IL12RB2: variants seen among roughly 807,000 people sequenced by gnomAD.
IL12RB2 encodes the protein interleukin-12 receptor subunit beta-2.
Under a neutral mutation model 89.4 loss-of-function variants are expected in IL12RB2, and 82 were observed. That is an observed-to-expected ratio of 0.92 (90% CI 0.77 to 1.10). IL12RB2 has a LOEUF of 1.10. IL12RB2 is among the 50% of genes least tolerant of loss of function. IL12RB2 has a pLI of 0.00. For synonymous variants in IL12RB2, 368 were observed against 370.1 expected (o/e 0.99, Z 0.07); for missense variants, 963 against 1,031.9 (o/e 0.93, Z 0.92).
In IL12RB2 at chr1:67,359,637, A is replaced by G. The variant is rs144313176; in HGVS notation, c.1259-8188A>G. Among the ~76,000 whole-genome samples the G allele has an allele frequency of 5.5e-3, 839 of 152,040 alleles. 11 individuals are homozygous for G. The highest frequency in any genetic ancestry group is 0.02 in the African/African-American group (810 of 41,470). On this transcript the variant is annotated intron_variant, in intron 10 of 16. Coordinates refer to ENST00000674203, the MANE Select transcript of IL12RB2 (RefSeq NM_001374259.2). ...CTCCAGAGGCTGGGACAGGAGAATCACTTGAACCTGGGAGGTGGCAGTTGC... is the reference window on the plus strand; with the variant it reads ...CTCCAGAGGCTGGGACAGGAGAATCGCTTGAACCTGGGAGGTGGCAGTTGC...
Position 67,396,286 on chromosome 1 carries a change from T to C in IL12RB2, c.*197T>C. The C allele has an allele frequency of 1.5e-6, 1 of 661,198 alleles. No homozygotes were observed. The highest frequency in any genetic ancestry group is 2.7e-6 in the Non-Finnish European group (1 of 365,650). 41.0% of individuals were successfully genotyped at this position (661,198 alleles called of 1,614,324 possible). A position where few individuals can be genotyped will look rare whatever the true frequency, so the allele number is the denominator to read the frequency against. On this transcript the variant is annotated 3_prime_UTR_variant, in exon 17 of 17. Coordinates refer to ENST00000674203, the MANE Select transcript of IL12RB2 (RefSeq NM_001374259.2). ...CTTCACTCAGATGCCTCATCTTGCC[T>C]TTCCCAGGGCCTTAAAATTACATCC...
intron 8 of IL12RB2, among the ~76,000 whole-genome samples, chr1:67,334,978 C>A (rs1328079153): frequency 3.3e-5 from 5 of 152,130 alleles, no homozygotes; most frequent in Non-Finnish European, 7.3e-5. Flanking sequence ...AGATTTATAT[C>A]AGACACTTTC....
At chr1:67,390,252 G>A (rs1240513768) in intron 16 of IL12RB2, 124 bp downstream of exon 16, 11 of 686,030 alleles carry the variant, frequency 1.6e-5, no homozygotes, top group Non-Finnish European at 2.1e-5. Flanking sequence ...AGTTATTCAC[G>A]CTTGGCTACC....
upstream of IL12RB2, chr1:67,307,648 G>A (rs17129728): frequency 0.013 from 1,990 of 152,444 alleles, 32 homozygotes; most frequent in Admixed American, 0.048. Flanking sequence ...AGCCCGCTTC[G>A]ACCCGCGGGG....
At position 67,367,826 on chromosome 1, in the gene IL12RB2, G is replaced by C; in HGVS notation, c.1260G>C (p.Gly420=). ...TTCTCCTCTTTCTGTCCGATAAAGG[G>C]TTGCTGGCTCCTCGCCAGGTCTCTG... ...RINIMNLCEA[G]LLAPRQVSAN... is the part of the protein sequence containing the mutation. Residue 420 remains glycine (G), a splice_region_variant and synonymous_variant, in exon 11 of 17, where the codon GGG becomes GGC. Coordinates refer to ENST00000674203, the MANE Select transcript of IL12RB2 (RefSeq NM_001374259.2). 6.5e-7 allele frequency: 1 copy of C among 1,540,000 alleles called. No homozygotes were observed. Among genetic ancestry groups the C allele is most frequent in the South Asian group, 1.1e-5 (1 of 89,558 alleles).
chr1:67,332,723 C>T (rs997831835), intron 8 of IL12RB2, among the ~76,000 whole-genome samples: 5 of 152,030 alleles, frequency 3.3e-5, no homozygotes, highest in African/African-American at 1.2e-4. Context: ...GATAAAACTT[C>T]TGAAAATGGG....
intron 7 of IL12RB2, among the ~76,000 whole-genome samples, chr1:67,330,366 T>C (rs1033452962): frequency 6.6e-6 from 1 of 152,104 alleles, no homozygotes; most frequent in South Asian, 2.1e-4. Flanking sequence ...TGTAGAAACT[T>C]TGTAGTTTTC....
At chr1:67,365,858 A>ATT (rs1662610432) in intron 10 of IL12RB2, among the ~76,000 whole-genome samples, 1 of 152,214 alleles carries the variant, frequency 6.6e-6, no homozygotes, top group African/African-American at 2.4e-5. Flanking sequence ...GGTCATCTTA[A>ATT]GGGGCCATAG....
intron 9 of IL12RB2, among the ~76,000 whole-genome samples, chr1:67,349,798 T>G (rs1250904769): frequency 6.6e-6 from 1 of 152,212 alleles, no homozygotes. Context: ...AGTCAGCAGA[T>G]AGGAACATTC....
chr1:67,343,384 T>G (rs1659872417), intron 9 of IL12RB2, among the ~76,000 whole-genome samples: 1 of 152,238 alleles, frequency 6.6e-6, no homozygotes, highest in Non-Finnish European at 1.5e-5. Flanking sequence ...ACCTGGCCCA[T>G]AGCTATTTTT....
chr1:67,394,829 A>G lies in IL12RB2; in HGVS notation c.2047-718A>G, dbSNP rs967991127. 2.0e-5 allele frequency among the ~76,000 whole-genome samples: 3 copies of G among 152,206 alleles called. No homozygotes were observed. The South Asian group carries it at 6.2e-4, about 32-fold the overall frequency. On this transcript the variant is annotated intron_variant, in intron 16 of 16. Coordinates refer to ENST00000674203, the MANE Select transcript of IL12RB2 (RefSeq NM_001374259.2). ...CCACACATCTCTCAGGACTCAGCTC[A>G]GCTCTCGTGTCCCTTCATCACCTGT...
At chr1:67,377,613 C>T (rs1664117899) in intron 13 of IL12RB2, among the ~76,000 whole-genome samples, 1 of 152,114 alleles carries the variant, frequency 6.6e-6, no homozygotes, top group South Asian at 2.1e-4. Flanking sequence ...CCTCCTTTCA[C>T]ATGTAAAATG....
At position 67,320,360 on chromosome 1, in the gene IL12RB2, T is replaced by A. The variant is rs779927716; in HGVS notation, c.-9T>A. 1.9e-6 allele frequency: 3 copies of A among 1,613,836 alleles called. No homozygotes were observed. The East Asian group carries it at 6.7e-5, about 36-fold the overall frequency. On this transcript the variant is annotated 5_prime_UTR_variant, in exon 3 of 17. Coordinates refer to ENST00000674203, the MANE Select transcript of IL12RB2 (RefSeq NM_001374259.2). ...AGAATACGGAGTTCTATACCAGAGT[T>A]GATTGTTGATGGCACATACTTTTAG...
At position 67,350,175 on chromosome 1, in the gene IL12RB2, A is replaced by G. The variant is rs1660676765; in HGVS notation, c.1039-695A>G. ...TAGACTTGACAACTCTCCATATTCT[A>G]TGCTTCTGTTTCCCATGGTCCTTGT... On this transcript the variant is annotated intron_variant, in intron 9 of 16. Transcript: ENST00000674203. Among the ~76,000 whole-genome samples the G allele has an allele frequency of 2.6e-5, 4 of 152,230 alleles. No homozygotes were observed. The South Asian group carries it at 8.3e-4, about 31-fold the overall frequency.
chr1:67,355,306 C>T (rs1246612696), intron 10 of IL12RB2, among the ~76,000 whole-genome samples: 1 of 148,066 alleles, frequency 6.8e-6, no homozygotes, highest in Admixed American at 6.8e-5. Flanking sequence ...CCCAGCTACT[C>T]GGGAGGCTGA....
At chr1:67,338,992 T>C (rs563946359) in intron 9 of IL12RB2, among the ~76,000 whole-genome samples, 2 of 152,270 alleles carry the variant, frequency 1.3e-5, no homozygotes, top group South Asian at 4.1e-4. Flanking sequence ...CTTCTGACTG[T>C]TGTCCCCTTT....
intron 10 of IL12RB2, among the ~76,000 whole-genome samples, chr1:67,357,951 G>A (rs1314738568): frequency 6.6e-6 from 1 of 152,100 alleles, no homozygotes. Flanking sequence ...AAATGGAGGG[G>A]AGCAAATATT....
intron 9 of IL12RB2, among the ~76,000 whole-genome samples, chr1:67,350,489 G>A (rs1660709099): frequency 6.6e-6 from 1 of 152,242 alleles, no homozygotes; most frequent in African/African-American, 2.4e-5. Context: ...ACTCAGAGGG[G>A]CTGAGTGCCT....
intron 9 of IL12RB2, 111 bp downstream of exon 9, chr1:67,338,814 T>C: frequency 1.4e-6 from 1 of 725,148 alleles, no homozygotes; most frequent in South Asian, 1.4e-5. Context: ...CTAGAGCTCA[T>C]TTTCTCACAT....
Sources: gnomAD v4.1 joint callset for allele counts (sites outside exome capture counted in the v4.1 genomes callset) on GRCh38, gnomAD v4.1.1 for gene constraint, MANE v1.5 for transcripts, NCBI Gene and HGNC (gene_info 2026-07-23, HGNC 2026-07-21) for gene names.